The following RPTOR variants were observed in gnomAD, a reference collection of about 807,000 sequenced individuals.
RPTOR encodes regulatory associated protein of MTOR complex 1.
A neutral mutation model predicts 169.9 loss-of-function variants in RPTOR; 21 were observed. That is an observed-to-expected ratio of 0.12 (90% CI 0.09 to 0.18). RPTOR has a LOEUF of 0.18. Ranked by LOEUF, RPTOR falls within the 10% of genes least tolerant of loss-of-function variation. The pLI, the probability that RPTOR is intolerant of heterozygous loss-of-function variation, is 1.00. For missense variants in RPTOR, 1,133 were observed against 1,855.9 expected, an observed-to-expected ratio of 0.61 and a Z score of 7.16; for synonymous variants, 732 against 753.2, an observed-to-expected ratio of 0.97 and a Z score of 0.46.
intron 3 of RPTOR, among the ~76,000 whole-genome samples, chr17:80,679,226 G>A (rs1011234609): frequency 6.6e-6 from 1 of 152,300 alleles, no homozygotes; most frequent in African/African-American, 2.4e-5. Context: ...GCAGTGAGCC[G>A]AGATTGTGCC....
chr17:80,713,523 C>T (rs1336374470), intron 4 of RPTOR, among the ~76,000 whole-genome samples: 1 of 151,924 alleles, frequency 6.6e-6, no homozygotes, highest in Non-Finnish European at 1.5e-5. Context: ...TTTTGTCAAA[C>T]CAGATTAAAA....
rs114587945 is a variant in RPTOR at position 80,762,171 on chromosome 17, C to T, written c.830+7986C>T. On this transcript the variant is annotated intron_variant, in intron 6 of 33. Coordinates refer to ENST00000306801, the MANE Select transcript of RPTOR (RefSeq NM_020761.3). ...ATAGAGCTCCCGTTTTAAAAGATGA[C>T]GTGTAAAAACCACCTGATGGATGCG... is the stretch of plus-strand genomic sequence containing the variant. 3.1e-3 allele frequency among the ~76,000 whole-genome samples: 469 copies of T among 152,278 alleles called. 2 individuals carry two copies. The highest frequency in any genetic ancestry group is 0.011 in the African/African-American group (452 of 41,552).
chr17:80,876,182 T>C (rs1187539554), intron 13 of RPTOR, among the ~76,000 whole-genome samples: 1 of 112,614 alleles, frequency 8.9e-6, no homozygotes, highest in Non-Finnish European at 1.8e-5. Flanking sequence ...GCAGGGTGTG[T>C]GTGTCGCCTG....
intron 9 of RPTOR, among the ~76,000 whole-genome samples, chr17:80,831,477 C>G (rs2067502752): frequency 6.6e-6 from 1 of 152,254 alleles, no homozygotes; most frequent in Admixed American, 6.5e-5. Flanking sequence ...GTTTACTAGT[C>G]TGGACACAGG....
rs74003998 is a variant in RPTOR, at chr17:80,591,702, A to G, written c.163-33989A>G. ...CCTTTCTTTCTTGATTAGTCTTACT[A>G]GAGCAGGCATGGGGATGATAGTGAA... is the stretch of plus-strand genomic sequence containing the variant. On this transcript the variant is annotated intron_variant, in intron 1 of 33. Coordinates refer to ENST00000306801, the MANE Select transcript of RPTOR (RefSeq NM_020761.3). 1.6e-3 allele frequency among the ~76,000 whole-genome samples: 242 copies of G among 152,324 alleles called. 1 individual carries two copies. The highest frequency in any genetic ancestry group is 5.1e-3 in the African/African-American group (212 of 41,562).
chr17:80,720,298 A>C (rs1026589262), intron 4 of RPTOR, among the ~76,000 whole-genome samples: 1 of 152,178 alleles, frequency 6.6e-6, no homozygotes, highest in East Asian at 1.9e-4. Context: ...ACTGTCTCAA[A>C]AAAAAAAAGA....
At chr17:80,660,950 A>T (rs141747299) in intron 3 of RPTOR, among the ~76,000 whole-genome samples, 1 of 151,460 alleles carries the variant, frequency 6.6e-6, no homozygotes, top group Non-Finnish European at 1.5e-5. Context: ...TCAAGCTCCA[A>T]CCCCCACCCC....
In RPTOR at chr17:80,923,622, C is replaced by T. The variant is rs758498540; in HGVS notation, c.2757C>T (p.His919=). 9 of 1,611,746 alleles carry T rather than the reference C, an allele frequency of 5.6e-6. No homozygotes were observed. Among genetic ancestry groups the T allele is most frequent in the South Asian group, 5.5e-5 (5 of 90,990 alleles). Residue 919 remains histidine (H), a synonymous_variant, in exon 23 of 34, where the codon CAC becomes CAT. Coordinates refer to ENST00000306801, the MANE Select transcript of RPTOR (RefSeq NM_020761.3). ...CCGCTGGGGCGCAGTACACCCCTCA[C>T]TCCCACCAGTTCCCCCGGACACGGA... ...TGPAGAQYTP[H]SHQFPRTRKM...
chr17:80,685,722 T>C (rs967424507), intron 3 of RPTOR, among the ~76,000 whole-genome samples: 2 of 147,182 alleles, frequency 1.4e-5, no homozygotes, highest in African/African-American at 5.0e-5. Flanking sequence ...TTCCACGACT[T>C]TTAATTCCTA....
At chr17:80,921,867 G>A (rs2068748849) in intron 21 of RPTOR, among the ~76,000 whole-genome samples, 1 of 152,184 alleles carries the variant, frequency 6.6e-6, no homozygotes, top group Admixed American at 6.5e-5. Context: ...TTTCAGCCAT[G>A]TCTGCCCTGG....
intron 1 of RPTOR, among the ~76,000 whole-genome samples, chr17:80,611,838 C>A (rs946333568): frequency 6.6e-6 from 1 of 151,882 alleles, no homozygotes; most frequent in Non-Finnish European, 1.5e-5. Flanking sequence ...TTTTTCCCCC[C>A]CTGTAAATGA....
At chr17:80,850,368 T>C (rs2067780459) in intron 11 of RPTOR, among the ~76,000 whole-genome samples, 1 of 152,246 alleles carries the variant, frequency 6.6e-6, no homozygotes, top group African/African-American at 2.4e-5. Flanking sequence ...GTTTCACCCA[T>C]GTTGATGCAA....
chr17:80,714,217 G>T (rs8071397), intron 4 of RPTOR, among the ~76,000 whole-genome samples: 7 of 152,018 alleles, frequency 4.6e-5, no homozygotes, highest in African/African-American at 1.7e-4. Context: ...CTGGGATTAC[G>T]GATGTGAGCC....
At chr17:80,952,855 C>CTTTTTTTT (rs139746545) in intron 28 of RPTOR, among the ~76,000 whole-genome samples, 2 of 98,082 alleles carry the variant, frequency 2.0e-5, no homozygotes, top group Non-Finnish European at 1.9e-5. Flanking sequence ...TTCTTTTCTT[C>CTTTTTTTT]TTTTTTTTTT....
At chr17:80,812,947 G>A (rs78782014) in intron 7 of RPTOR, among the ~76,000 whole-genome samples, 1,582 of 152,254 alleles carry the variant, frequency 0.01, 32 homozygotes, top group African/African-American at 0.036. Flanking sequence ...TTGGACCCAC[G>A]TCCCCAGCCT....
intron 7 of RPTOR, among the ~76,000 whole-genome samples, chr17:80,799,488 A>G (rs1052151594): frequency 4.6e-5 from 7 of 152,166 alleles, no homozygotes; most frequent in Admixed American, 3.3e-4. Context: ...TAGCTGTTTC[A>G]TTCTTTTGTC....
At chr17:80,825,637 T>C (rs1308539758) in intron 9 of RPTOR, among the ~76,000 whole-genome samples, 1 of 152,198 alleles carries the variant, frequency 6.6e-6, no homozygotes, top group East Asian at 1.9e-4. Flanking sequence ...TGAGGTGATG[T>C]CGCAATCCAC....
intron 13 of RPTOR, among the ~76,000 whole-genome samples, chr17:80,869,932 A>T (rs531304068): frequency 4.6e-5 from 7 of 152,254 alleles, no homozygotes; most frequent in African/African-American, 1.7e-4. Flanking sequence ...AGTCCAGGAG[A>T]TGTGGCCACA....
At chr17:80,555,736 T>C (rs910716957) in intron 1 of RPTOR, among the ~76,000 whole-genome samples, 2 of 152,260 alleles carry the variant, frequency 1.3e-5, no homozygotes, top group Admixed American at 1.3e-4. Context: ...ATCATCCACA[T>C]TGACCAGCAT....
Sources: allele counts gnomAD v4.1 joint callset (sites outside exome capture counted in the v4.1 genomes callset), GRCh38; gene constraint gnomAD v4.1.1; transcripts MANE v1.5; gene names NCBI Gene and HGNC (gene_info 2026-07-23, HGNC 2026-07-21).